The following RBPMS variants were observed in gnomAD, a reference collection of about 807,000 sequenced individuals.
RBPMS encodes the protein RNA-binding protein with multiple splicing.
A neutral mutation model predicts 26.8 loss-of-function variants in RBPMS; 7 were observed. The observed-to-expected ratio is 0.26, with a 90% confidence interval of 0.15 to 0.49. RBPMS has a LOEUF of 0.49. Among genes scored for constraint, RBPMS ranks in the 20% least tolerant of loss-of-function variants. RBPMS has a pLI of 0.98. For synonymous variants in RBPMS, 96 were observed against 93.3 expected (o/e 1.03, Z -0.17); for missense variants, 186 against 250.0 (o/e 0.74, Z 1.73).
chr8:30,518,686 A>T (rs1358559038), intron 5 of RBPMS, among the ~76,000 whole-genome samples: 17 of 8,104 alleles, frequency 2.1e-3, no homozygotes, highest in Non-Finnish European at 4.6e-3. Context: ...GCCAAGCATG[A>T]CTTTTTTTTT....
At chr8:30,489,678 C>T (rs1819178978) in intron 4 of RBPMS, among the ~76,000 whole-genome samples, 1 of 151,990 alleles carries the variant, frequency 6.6e-6, no homozygotes, top group African/African-American at 2.4e-5. Flanking sequence ...CTCCTGACCT[C>T]GTGTTCTGCC....
In RBPMS at chr8:30,484,240, C is replaced by T. The variant is rs571469707; in HGVS notation, c.246+4863C>T. On this transcript the variant is annotated intron_variant, in intron 4 of 8. Coordinates refer to ENST00000397323, the MANE Select transcript of RBPMS (RefSeq NM_001008710.3). ...AAAATTATAACCATTCTAGTAGATA[C>T]GAAGCAATCGTGGATTCTTGCTAAA... Among the ~76,000 whole-genome samples, 28 of 152,272 alleles carry T rather than the reference C, an allele frequency of 1.8e-4. No individual in the cohort carries two copies. In the South Asian group the frequency reaches 5.6e-3, roughly 30 times the overall value.
chr8:30,449,922 A>G (rs2150741237), intron 1 of RBPMS, among the ~76,000 whole-genome samples: 1 of 152,356 alleles, frequency 6.6e-6, no homozygotes, highest in East Asian at 1.9e-4. Flanking sequence ...TCAACAGAAA[A>G]TCTTCAAAAA....
At chr8:30,441,881 C>T (rs542139700) in intron 1 of RBPMS, among the ~76,000 whole-genome samples, 5 of 152,214 alleles carry the variant, frequency 3.3e-5, no homozygotes, top group Admixed American at 6.5e-5. Flanking sequence ...TCTCCGCCTC[C>T]TGGATTCAAG....
At chr8:30,502,139 CTTT>C (rs34541775) in intron 4 of RBPMS, among the ~76,000 whole-genome samples, 5 of 132,056 alleles carry the variant, frequency 3.8e-5, no homozygotes, top group African/African-American at 1.1e-4. Context: ...AACTTCTGAG[CTTT>C]TTTTTTTTTT....
At chr8:30,419,150 A>G (rs931912601) in intron 1 of RBPMS, among the ~76,000 whole-genome samples, 3 of 151,532 alleles carry the variant, frequency 2.0e-5, no homozygotes, top group Admixed American at 1.3e-4. Context: ...TTTTAATTTT[A>G]TTTTTAAAAA....
chr8:30,545,128 C>G, intron 6 of RBPMS: 1 of 1,321,552 alleles, frequency 7.6e-7, no homozygotes, highest in Non-Finnish European at 9.9e-7. Context: ...AAATATGTTA[C>G]AGGAAAGATT....
chr8:30,411,630 A>C (rs1040491090), intron 1 of RBPMS, among the ~76,000 whole-genome samples: 1 of 141,656 alleles, frequency 7.1e-6, no homozygotes, highest in East Asian at 2.1e-4. Context: ...GCACCACTGC[A>C]CTCCAGCCTG....
rs1396540017 is a variant in RBPMS at position 30,498,918 on chromosome 8, ATATC to A, written c.247-5364_247-5361del. Among the ~76,000 whole-genome samples the A allele has an allele frequency of 6.6e-5, 10 of 152,252 alleles. No individual in the cohort carries two copies. In the East Asian group the frequency reaches 9.6e-4, roughly 15 times the overall value. On this transcript the variant is annotated intron_variant, in intron 4 of 8. Transcript: ENST00000397323. ...AATAAAAATTAAAAATATTTTAAATATATCTATATGATGCAGAGAAGTAGATCTG... is the reference window on the plus strand; with the variant it reads ...AATAAAAATTAAAAATATTTTAAATATATATGATGCAGAGAAGTAGATCTG...
chr8:30,544,495 T>C lies in RBPMS; in HGVS notation c.399T>C (p.Tyr133=). Residue 133 remains tyrosine, a splice_region_variant and synonymous_variant, in exon 6 of 9, where the codon TAT becomes TAC. Transcript: ENST00000397323. ...TVPQFIAREP[Y]ELTVPALYPS... Reference sequence around the variant, plus strand: ...TCTCGCCTTATTCTTTTCTTGCAGATGAGCTCACAGTGCCTGCACTTTACC... The same window carrying C: ...TCTCGCCTTATTCTTTTCTTGCAGACGAGCTCACAGTGCCTGCACTTTACC... The C allele has an allele frequency of 1.2e-6, 2 of 1,613,508 alleles. No individual in the cohort carries two copies. The highest frequency in any genetic ancestry group is 1.7e-6 in the Non-Finnish European group (2 of 1,179,414).
intron 1 of RBPMS, among the ~76,000 whole-genome samples, chr8:30,452,095 G>A (rs1814655424): frequency 6.6e-6 from 1 of 152,136 alleles, no homozygotes; most frequent in East Asian, 1.9e-4. Flanking sequence ...CCTTAACAAG[G>A]CTGCATTCGT....
At chr8:30,433,127 C>T (rs1266274809) in intron 1 of RBPMS, among the ~76,000 whole-genome samples, 3 of 152,318 alleles carry the variant, frequency 2.0e-5, no homozygotes, top group Non-Finnish European at 4.4e-5. Context: ...ACTAACAACA[C>T]AGCAATATAA....
intron 2 of RBPMS, 25 bp downstream of exon 2, chr8:30,474,881 T>G: frequency 6.8e-7 from 1 of 1,470,308 alleles, no homozygotes; most frequent in Non-Finnish European, 9.5e-7. Flanking sequence ...CTTTCAGAAA[T>G]TATAAAATGA....
At chr8:30,496,732 A>G in intron 4 of RBPMS, among the ~76,000 whole-genome samples, 1 of 152,232 alleles carries the variant, frequency 6.6e-6, no homozygotes, top group East Asian at 1.9e-4. Context: ...ACAGTGATAT[A>G]TTAATAAATG....
intron 1 of RBPMS, among the ~76,000 whole-genome samples, chr8:30,455,859 G>A (rs1249127495): frequency 2.0e-5 from 3 of 152,008 alleles, no homozygotes; most frequent in African/African-American, 7.3e-5. Context: ...CACTGCACTC[G>A]AGCCTGGGCG....
intron 5 of RBPMS, among the ~76,000 whole-genome samples, chr8:30,511,487 A>ATG (rs1821660593): frequency 7.9e-5 from 1 of 12,722 alleles, no homozygotes; most frequent in African/African-American, 3.0e-4. Context: ...AAAAAAAAAA[A>ATG]TATATATATA....
intron 1 of RBPMS, among the ~76,000 whole-genome samples, chr8:30,440,105 GTTTAT>G (rs1356240399): frequency 1.3e-5 from 2 of 152,056 alleles, no homozygotes; most frequent in African/African-American, 2.4e-5. Flanking sequence ...CTAACCATTT[GTTTAT>G]TTTATTTTTT....
intron 5 of RBPMS, among the ~76,000 whole-genome samples, chr8:30,518,613 A>G (rs1822608185): frequency 7.2e-6 from 1 of 139,580 alleles, no homozygotes; most frequent in African/African-American, 2.7e-5. Context: ...TTTTTAGTAG[A>G]GATGGGGTTT....
intron 6 of RBPMS, chr8:30,549,411 G>C: frequency 9.1e-7 from 1 of 1,098,354 alleles, no homozygotes; most frequent in Non-Finnish European, 1.4e-6. Context: ...CTTGCCTTTG[G>C]GGCTGTTCTG....
Sources: allele counts gnomAD v4.1 joint callset (sites outside exome capture counted in the v4.1 genomes callset), GRCh38; gene constraint gnomAD v4.1.1; transcripts MANE v1.5; gene names NCBI Gene and HGNC (gene_info 2026-07-23, HGNC 2026-07-21).